GPR108: variants seen among roughly 807,000 people sequenced by gnomAD.
The protein encoded by GPR108 is protein GPR108.
GPR108 carries 60 observed loss-of-function variants against 74.3 expected under a neutral mutation model. The observed-to-expected ratio is 0.81, with a 90% confidence interval of 0.66 to 1.00. GPR108 has a LOEUF of 1.00. Among genes scored for constraint, GPR108 ranks in the 50% least tolerant of loss-of-function variants. The probability of loss-of-function intolerance (pLI) is 0.00; values close to 1 mark genes in which losing one functional copy is unlikely to be tolerated. For missense variants in GPR108, 667 were observed against 703.3 expected (o/e 0.95, Z 0.58); for synonymous variants, 311 against 292.4 (o/e 1.06, Z -0.65).
intron 14 of GPR108, 109 bp downstream of exon 14, chr19:6,731,782 G>T: frequency 7.7e-7 from 1 of 1,295,626 alleles, no homozygotes; most frequent in Non-Finnish European, 1.1e-6. Context: ...GGGAGGCAGA[G>T]GCCTGGGGGC....
rs1226502840 is a variant in GPR108 at position 6,732,338 on chromosome 19, G to A, written c.1050C>T (p.Gly350=). The A allele has an allele frequency of 1.9e-6, 3 of 1,613,418 alleles. No homozygotes were observed. The highest frequency in any genetic ancestry group is 2.5e-6 in the Non-Finnish European group (3 of 1,180,046). Reference sequence around the variant, plus strand: ...CGTACTTGATGAAGGCCCAGCCTGAGCCAATCAGGGCGATGGTGATGAAGA... The same window carrying A: ...CGTACTTGATGAAGGCCCAGCCTGAACCAATCAGGGCGATGGTGATGAAGA... The part of the protein sequence containing the change: ...ALLFITIALI[G]SGWAFIKYVL... Residue 350 remains glycine (G), a synonymous_variant, in exon 12 of 18, where the codon GGC becomes GGT. Transcript: ENST00000264080.
intron 8 of GPR108, 108 bp downstream of exon 8, chr19:6,733,462 A>G: frequency 1.5e-6 from 2 of 1,343,710 alleles, no homozygotes; most frequent in Non-Finnish European, 1.1e-6. Flanking sequence ...AACAGCTCCT[A>G]CTTCGCACCC....
In GPR108 at chr19:6,735,953, C is replaced by G; in HGVS notation, c.246G>C (p.Gly82=). 1 of 1,609,004 alleles carries G rather than the reference C, an allele frequency of 6.2e-7. No homozygotes were observed. The highest frequency in any genetic ancestry group is 1.1e-5 in the South Asian group (1 of 90,290). The stretch of plus-strand genomic sequence containing the variant: ...CAGACCGAACCCGGCTGAGACTGAA[C>G]CCCACCTGGTGGGTGGAAAAAAAAA... ...REAEEKSLLV[G]FSLSRVRSGR... is the part of the protein sequence containing the mutation. Residue 82 remains glycine, a synonymous_variant, in exon 3 of 18, where the codon GGG becomes GGC. Coordinates refer to ENST00000264080, the MANE Select transcript of GPR108 (RefSeq NM_001080452.2).
intron 15 of GPR108, 37 bp downstream of exon 15, chr19:6,731,436 T>TC: frequency 6.6e-7 from 1 of 1,516,768 alleles, no homozygotes. Flanking sequence ...AGGCCGGTAA[T>TC]CCCCCCAAAC....
At chr19:6,731,384 C>T (rs935340686) in intron 15 of GPR108, 89 bp downstream of exon 15, 55 of 1,474,364 alleles carry the variant, frequency 3.7e-5, no homozygotes, top group African/African-American at 5.7e-5. Flanking sequence ...ATGGGGGCCT[C>T]GGGATGGGGC....
At chr19:6,733,811 T>C in intron 7 of GPR108, 34 bp downstream of exon 7, 1 of 1,611,992 alleles carries the variant, frequency 6.2e-7, no homozygotes, top group Admixed American at 1.7e-5. Flanking sequence ...TGCTCTGGGG[T>C]GACGGAAGGG....
At position 6,730,994 on chromosome 19, in the gene GPR108, C is replaced by G; in HGVS notation, c.1552G>C (p.Glu518Gln). The G allele has an allele frequency of 6.2e-7, 1 of 1,600,218 alleles. No homozygotes were observed. Residue 518 changes from glutamate to glutamine, a missense_variant, in exon 17 of 18, where the codon GAG becomes CAG. By Grantham distance (29) the Glu-to-Gln change is conservative. Transcript: ENST00000264080. ...PQEDEEDVQM[E>Q]QVMTDSGFRE... is the part of the protein sequence containing the mutation. Reference sequence around the variant, plus strand: ...CCATGGTGCCCAGCTCACACTTGCTCCATCTGAACATCCTCCTCGTCCTCC... The same window carrying G: ...CCATGGTGCCCAGCTCACACTTGCTGCATCTGAACATCCTCCTCGTCCTCC...
rs1430890002 is a variant in GPR108 at position 6,736,698 on chromosome 19, G to A, written c.134C>T (p.Ala45Val). 1.2e-6 allele frequency: 2 copies of A among 1,613,890 alleles called. No homozygotes were observed. The highest frequency in any genetic ancestry group is 1.3e-5 in the African/African-American group (1 of 74,886). The change falls in exon 2 of 18, where the codon GCG becomes GTG. Residue 45 changes from alanine (A) to valine (V), a missense_variant. By Grantham distance (64) the Ala-to-Val change is moderately conservative. Coordinates refer to ENST00000264080, the MANE Select transcript of GPR108 (RefSeq NM_001080452.2). ...ACCGAAGCTGTTCAGCTGGATGTCC[G>A]CTCGCTTCTCCCCCTGCCGGAGACC... is the stretch of plus-strand genomic sequence containing the variant. ...HQLALTGEKR[A>V]DIQLNSFGFY... is the part of the protein sequence containing the mutation.
At position 6,730,198 on chromosome 19, in the gene GPR108, C is replaced by A; in HGVS notation, c.*114G>T. 1.0e-6 allele frequency: 1 copy of A among 981,948 alleles called. No homozygotes were observed. Among genetic ancestry groups the A allele is most frequent in the Non-Finnish European group, 1.6e-6 (1 of 623,578 alleles). 60.8% of individuals were successfully genotyped at this position (981,948 alleles called of 1,614,324 possible). A position where few individuals can be genotyped will look rare whatever the true frequency, so the allele number is the denominator to read the frequency against. On this transcript the variant is annotated 3_prime_UTR_variant, in exon 18 of 18. Coordinates refer to ENST00000264080, the MANE Select transcript of GPR108 (RefSeq NM_001080452.2). Reference sequence around the variant, plus strand: ...GTCCGGGAACCGGGGTCCCGGGGAGCTGGGCGCCTGGTCCACATGGACCCC... The same window carrying A: ...GTCCGGGAACCGGGGTCCCGGGGAGATGGGCGCCTGGTCCACATGGACCCC...
At chr19:6,730,648 C>A in intron 17 of GPR108, 1 of 574,836 alleles carries the variant, frequency 1.7e-6, no homozygotes, top group South Asian at 2.0e-5. Context: ...CCCCGCCCAC[C>A]TTACTGCCAT....
Position 6,735,649 on chromosome 19 carries a change from A to G in GPR108, c.347T>C (p.Leu116Pro). ...LQKNSSSFLV[L>P]FLINTKDLQV... ...CAGATCCTTGGTGTTGATGAGGAACAGGACCAGGAAACTGCTACTGTTTTT... is the reference window on the plus strand; with the variant it reads ...CAGATCCTTGGTGTTGATGAGGAACGGGACCAGGAAACTGCTACTGTTTTT... Residue 116 changes from leucine to proline, a missense_variant, in exon 4 of 18, where the codon CTG becomes CCG. Physicochemically the swap from Leu to Pro is moderately conservative, Grantham distance 98 (BLOSUM62 -3). Transcript: ENST00000264080. The G allele has an allele frequency of 6.2e-7, 1 of 1,614,158 alleles. No homozygotes were observed. The highest frequency in any genetic ancestry group is 8.5e-7 in the Non-Finnish European group (1 of 1,180,024).
rs1968683597 is a variant in GPR108 at position 6,737,364 on chromosome 19, CG to C, written c.120+92del. The stretch of plus-strand genomic sequence containing the variant: ...CCGGACCACTCCACCGCCTCGGGGA[CG>C]GGGGAGGGCGGACGAGACCACTCCA... On this transcript the variant is annotated intron_variant, in intron 1 of 17. Transcript: ENST00000264080. 2.9e-6 allele frequency: 4 copies of C among 1,398,820 alleles called. No individual in the cohort carries two copies. In the East Asian group the frequency reaches 8.6e-5, roughly 30 times the overall value. The allele number at this position is 1,398,820 out of a possible 1,614,324, so 86.7% of individuals were successfully genotyped here.
At chr19:6,730,836 T>G in intron 17 of GPR108, 151 bp downstream of exon 17, 4 of 902,078 alleles carry the variant, frequency 4.4e-6, no homozygotes, top group South Asian at 1.7e-5. Context: ...GCCCCCCATC[T>G]CCCCTCCATC....
chr19:6,729,941 C>T lies in GPR108; in HGVS notation c.*371G>A. The T allele has an allele frequency of 4.4e-6, 1 of 225,316 alleles. No individual in the cohort carries two copies. Among genetic ancestry groups the T allele is most frequent in the Non-Finnish European group, 8.9e-6 (1 of 112,488 alleles). The allele number at this position is 225,316 out of a possible 1,614,324, so 14.0% of individuals were successfully genotyped here. A position where few individuals can be genotyped will look rare whatever the true frequency, so the allele number is the denominator to read the frequency against. On this transcript the variant is annotated 3_prime_UTR_variant, in exon 18 of 18. Transcript: ENST00000264080. ...ACTGAATGAATATTTATTGAATATA[C>T]AAAGACACGGACCCTGTGCCCGCGC...
rs779206660 is a variant in GPR108, at chr19:6,730,120, C to A, written c.*192G>T. The A allele has an allele frequency of 3.3e-6, 2 of 614,064 alleles. No individual in the cohort carries two copies. The highest frequency in any genetic ancestry group is 1.9e-5 in the African/African-American group (1 of 54,038). 38.0% of individuals were successfully genotyped at this position (614,064 alleles called of 1,614,324 possible). A position where few individuals can be genotyped will look rare whatever the true frequency, so the allele number is the denominator to read the frequency against. On this transcript the variant is annotated 3_prime_UTR_variant, in exon 18 of 18. Transcript: ENST00000264080. ...GGGAGGGGTGGTCCCGGGGTAAGGA[C>A]AGGGCTGCCCAATATTTGGGGGGAG...
At chr19:6,730,446 C>G in intron 17 of GPR108, 62 bp from the exon 18 acceptor site, 1 of 1,420,290 alleles carries the variant, frequency 7.0e-7, no homozygotes, top group South Asian at 1.1e-5. Flanking sequence ...CCCACTCTAC[C>G]CGGAACCACT....
chr19:6,735,500 TA>T, intron 4 of GPR108, 121 bp downstream of exon 4: 3 of 850,790 alleles, frequency 3.5e-6, no homozygotes, highest in Non-Finnish European at 3.8e-6. Context: ...AAGGCAAAAC[TA>T]AAAAGTAAGT....
At chr19:6,732,704 G>C in intron 10 of GPR108, 155 bp from the exon 11 acceptor site, 4 of 691,102 alleles carry the variant, frequency 5.8e-6, no homozygotes, top group African/African-American at 1.8e-5. Flanking sequence ...ACTGGTAATC[G>C]GGGCTGAAAA....
At position 6,730,347 on chromosome 19, in the gene GPR108, C is replaced by G. The variant is rs1354378190; in HGVS notation, c.1597G>C (p.Val533Leu). 30 of 1,613,634 alleles carry G rather than the reference C, an allele frequency of 1.9e-5. No individual in the cohort carries two copies. The highest frequency in any genetic ancestry group is 2.5e-5 in the Non-Finnish European group (30 of 1,179,918). ...TCCCGCCCGCTGGCTGTTTTGTTGA[C>G]TTTGGAGAGGCCTTCCCGGAACCCA... is the stretch of plus-strand genomic sequence containing the variant. ...DSGFREGLSK[V>L]NKTASGRELL The change falls in exon 18 of 18, where the codon GTC becomes CTC. Residue 533 changes from valine to leucine, a missense_variant. Transcript: ENST00000264080.
Sources: gnomAD v4.1 joint callset for allele counts on GRCh38, gnomAD v4.1.1 for gene constraint, MANE v1.5 for transcripts, NCBI Gene and HGNC (gene_info 2026-07-23, HGNC 2026-07-21) for gene names.